Variants in EFHB observed in about 807,000 individuals in gnomAD.
EFHB encodes EF-hand domain-containing family member B.
EFHB carries 91 observed loss-of-function variants against 87.2 expected under a neutral mutation model. That is an observed-to-expected ratio of 1.04 (90% CI 0.88 to 1.24). EFHB has a LOEUF of 1.24. Ranked by LOEUF, EFHB falls within the 50% of genes most tolerant of loss-of-function variation. The pLI, the probability that EFHB is intolerant of heterozygous loss-of-function variation, is 0.00. For synonymous variants in EFHB, 325 were observed against 333.6 expected (o/e 0.97, Z 0.28); for missense variants, 1,084 against 998.8 (o/e 1.09, Z -1.15).
intron 6 of EFHB, 64 bp downstream of exon 6, chr3:19,905,556 A>C: frequency 6.5e-7 from 1 of 1,531,146 alleles, no homozygotes. Flanking sequence ...AAGTTTAAAA[A>C]TCAACTTTTC....
At chr3:19,910,238 G>C (rs1357550456) in intron 5 of EFHB, among the ~76,000 whole-genome samples, 3 of 151,918 alleles carry the variant, frequency 2.0e-5, no homozygotes, top group Non-Finnish European at 4.4e-5. Context: ...TTCCCTGAAG[G>C]GTAAGTCCCA....
At chr3:19,881,493 C>T (rs2071674877) in intron 12 of EFHB, among the ~76,000 whole-genome samples, 1 of 152,152 alleles carries the variant, frequency 6.6e-6, no homozygotes, top group African/African-American at 2.4e-5. Context: ...CAGGAGATTT[C>T]TGTTTCTTTT....
intron 9 of EFHB, among the ~76,000 whole-genome samples, chr3:19,892,018 C>T (rs1694322736): frequency 6.6e-6 from 1 of 152,200 alleles, no homozygotes; most frequent in African/African-American, 2.4e-5. Context: ...TGACCCCTCC[C>T]TCCTCAGAGC....
At chr3:19,945,260 T>C (rs1205949612) in intron 1 of EFHB, among the ~76,000 whole-genome samples, 2 of 152,100 alleles carry the variant, frequency 1.3e-5, no homozygotes, top group African/African-American at 2.4e-5. Context: ...TCTATAGAAA[T>C]AGAATGAAAG....
chr3:19,911,630 T>C (rs573753620), intron 5 of EFHB, among the ~76,000 whole-genome samples: 19 of 151,552 alleles, frequency 1.3e-4, no homozygotes, highest in Admixed American at 6.6e-4. Context: ...AACTGAAAAA[T>C]TCAATTGACA....
chr3:19,939,506 T>C (rs577237788), intron 1 of EFHB, among the ~76,000 whole-genome samples: 13 of 148,076 alleles, frequency 8.8e-5, no homozygotes, highest in African/African-American at 3.0e-4. Flanking sequence ...CGCCTCAGCC[T>C]CTAGAGTAGC....
upstream of EFHB, chr3:19,934,231 C>T (rs917876502): frequency 1.7e-5 from 25 of 1,428,702 alleles, no homozygotes; most frequent in Non-Finnish European, 2.2e-5. Flanking sequence ...TATCAGGTTA[C>T]CTGGGAAACA....
chr3:19,896,315 G>A (rs1185912819), intron 9 of EFHB, among the ~76,000 whole-genome samples: 2 of 152,188 alleles, frequency 1.3e-5, no homozygotes, highest in Non-Finnish European at 2.9e-5. Context: ...AATGGGCCTT[G>A]TAATGTGCAT....
At chr3:19,883,741 C>G (rs917140024) in intron 11 of EFHB, among the ~76,000 whole-genome samples, 1 of 152,130 alleles carries the variant, frequency 6.6e-6, no homozygotes, top group Non-Finnish European at 1.5e-5. Context: ...AATTTGGACA[C>G]AGACATGAAA....
intron 9 of EFHB, among the ~76,000 whole-genome samples, chr3:19,893,117 A>C (rs1246729207): frequency 1.3e-5 from 2 of 151,944 alleles, no homozygotes; most frequent in South Asian, 2.1e-4. Context: ...TACCTGGCTA[A>C]TTTTTGTATT....
chr3:19,940,642 T>A lies in EFHB; in HGVS notation c.-31-4308A>T, dbSNP rs73819072. 2.2e-3 allele frequency: 864 copies of A among 394,968 alleles called. 9 individuals carry two copies. The highest frequency in any genetic ancestry group is 0.014 in the African/African-American group (652 of 48,092). The allele number at this position is 394,968 out of a possible 1,614,324, so 24.5% of individuals were successfully genotyped here. On this transcript the variant is annotated intron_variant, in intron 1 of 14. Coordinates refer to the EFHB transcript ENST00000344838. ...AGCCTCCTGGACCACACATTTAATG[T>A]CTTTCTTGCTAAAATGGCCCTTGTC...
In EFHB at chr3:19,919,896, T is replaced by C; in HGVS notation, c.933A>G (p.Arg311=). 6.2e-7 allele frequency: 1 copy of C among 1,613,754 alleles called. No homozygotes were observed. The highest frequency in any genetic ancestry group is 8.5e-7 in the Non-Finnish European group (1 of 1,179,716). The stretch of plus-strand genomic sequence containing the variant: ...AAGGTGCAATCTGGGGATCATTTGC[T>C]CTTCCGTAAAATACTCTTTCTACTC... ...PAGVERVFYG[R]ANDPQIAPYL... The change falls in exon 3 of 13, where the codon AGA becomes AGG. Residue 311 remains arginine, a synonymous_variant. Transcript: ENST00000295824.
At chr3:19,894,262 T>C (rs1021185054) in intron 9 of EFHB, among the ~76,000 whole-genome samples, 1 of 152,196 alleles carries the variant, frequency 6.6e-6, no homozygotes, top group Non-Finnish European at 1.5e-5. Flanking sequence ...ACTCTCATCA[T>C]GGTAATTTCT....
At chr3:19,882,825 A>G (rs1268339384) in intron 11 of EFHB, 94 bp from the exon 12 acceptor site, 1 of 1,141,964 alleles carries the variant, frequency 8.8e-7, no homozygotes, top group Non-Finnish European at 1.2e-6. Flanking sequence ...AGCACTTAAA[A>G]TGTAGCTAGG....
At chr3:19,914,906 A>G (rs1294581833) in intron 5 of EFHB, among the ~76,000 whole-genome samples, 1 of 152,056 alleles carries the variant, frequency 6.6e-6, no homozygotes, top group African/African-American at 2.4e-5. Context: ...CGTGGACAAC[A>G]TAGGAAGACC....
intron 1 of EFHB, among the ~76,000 whole-genome samples, chr3:19,925,241 C>CAAAA (rs968867573): frequency 4.8e-5 from 3 of 62,074 alleles, no homozygotes; most frequent in African/African-American, 1.5e-4. Context: ...GACTCCTTCT[C>CAAAA]AAAAAAAAAA....
intron 4 of EFHB, among the ~76,000 whole-genome samples, chr3:19,916,509 C>T (rs13073418): frequency 0.21 from 31,188 of 150,836 alleles, 3,646 homozygotes; most frequent in Middle Eastern, 0.27. Context: ...AGTGAGACTC[C>T]GTCTCAAAAA....
intron 5 of EFHB, among the ~76,000 whole-genome samples, chr3:19,906,859 C>A (rs1425686526): frequency 6.6e-6 from 1 of 151,932 alleles, no homozygotes; most frequent in African/African-American, 2.4e-5. Context: ...GGCATAAAAA[C>A]AGACATACAG....
chr3:19,908,594 G>GAAAGAAAGAAAGAA (rs1300095448), intron 5 of EFHB, among the ~76,000 whole-genome samples: 4 of 91,408 alleles, frequency 4.4e-5, no homozygotes, highest in East Asian at 3.8e-4. Context: ...GAGAGAGAGA[G>GAAAGAAAGAAAGAA]AGAGAGAAAG....
Sources: gnomAD v4.1 joint callset for allele counts (sites outside exome capture counted in the v4.1 genomes callset) on GRCh38, gnomAD v4.1.1 for gene constraint, MANE v1.5 for transcripts, NCBI Gene and HGNC (gene_info 2026-07-23, HGNC 2026-07-21) for gene names.